SMOC2: variants seen among roughly 807,000 people sequenced by gnomAD.
SMOC2 encodes the protein SPARC related modular calcium binding 2.
Under a neutral mutation model 61.4 loss-of-function variants are expected in SMOC2, and 39 were observed. The observed-to-expected ratio is 0.64, with a 90% CI of 0.49 to 0.83. The LOEUF (loss-of-function observed/expected upper bound fraction) is 0.83. Among genes scored for constraint, SMOC2 ranks in the 40% least tolerant of loss-of-function variants. SMOC2 has a pLI of 0.00. For missense variants in SMOC2, 556 were observed against 592.9 expected, an observed-to-expected ratio of 0.94 and a Z score of 0.65; for synonymous variants, 247 against 239.9, an observed-to-expected ratio of 1.03 and a Z score of -0.27.
intron 1 of SMOC2, among the ~76,000 whole-genome samples, chr6:168,442,030 C>T (rs1376030021): frequency 6.6e-6 from 1 of 152,240 alleles, no homozygotes; most frequent in Non-Finnish European, 1.5e-5. Flanking sequence ...AAGGGGCTGC[C>T]AGTCGTGGGC....
At chr6:168,582,241 T>A (rs115613424) in intron 7 of SMOC2, among the ~76,000 whole-genome samples, 46,722 of 151,890 alleles carry the variant, frequency 0.31, 7,296 homozygotes, top group African/African-American at 0.35. Flanking sequence ...GTTGAAGGGA[T>A]GTCATGGATT....
chr6:168,643,217 G>A (rs1583182323), intron 9 of SMOC2, among the ~76,000 whole-genome samples: 1 of 152,176 alleles, frequency 6.6e-6, no homozygotes, highest in Non-Finnish European at 1.5e-5. Flanking sequence ...ACAGCTGGCT[G>A]GGACCCACAG....
intron 1 of SMOC2, among the ~76,000 whole-genome samples, chr6:168,467,031 C>T (rs1218491497): frequency 6.6e-6 from 1 of 152,140 alleles, no homozygotes; most frequent in Non-Finnish European, 1.5e-5. Context: ...CCACAAGCAG[C>T]GCCGTGCTGG....
At chr6:168,610,343 T>A (rs1785825090) in intron 9 of SMOC2, among the ~76,000 whole-genome samples, 1 of 152,198 alleles carries the variant, frequency 6.6e-6, no homozygotes, top group African/African-American at 2.4e-5. Context: ...TTGCCATAGA[T>A]GTTTGGGAGT....
intron 7 of SMOC2, among the ~76,000 whole-genome samples, chr6:168,592,339 C>T (rs879780060): frequency 0.094 from 9,224 of 97,834 alleles, 627 homozygotes; most frequent in Admixed American, 0.12. Flanking sequence ...TAGAGGATCT[C>T]CGAGCTCCTC....
At chr6:168,501,562 G>C (rs906816668) in intron 1 of SMOC2, among the ~76,000 whole-genome samples, 18 of 152,086 alleles carry the variant, frequency 1.2e-4, no homozygotes, top group African/African-American at 4.3e-4. Context: ...AATGTGAGGT[G>C]GGGGGAAGAT....
rs995356527 is a variant in SMOC2, at chr6:168,621,852, G to A, written c.907+13613G>A. Among the ~76,000 whole-genome samples, 7 of 152,146 alleles carry A rather than the reference G, an allele frequency of 4.6e-5. No individual in the cohort carries two copies. In the East Asian group the frequency reaches 5.8e-4, roughly 13 times the overall value. On this transcript the variant is annotated intron_variant, in intron 9 of 12. Transcript: ENST00000356284. The stretch of plus-strand genomic sequence containing the variant: ...TTACAATTCAAGGTGAGATCTGGGC[G>A]GGGACACAGAGCCAAACCATATCAC...
At chr6:168,579,628 G>A (rs935234093) in intron 7 of SMOC2, among the ~76,000 whole-genome samples, 2 of 152,186 alleles carry the variant, frequency 1.3e-5, no homozygotes, top group African/African-American at 2.4e-5. Context: ...TGGTGAGGGT[G>A]TTATCATTAC....
intron 9 of SMOC2, among the ~76,000 whole-genome samples, chr6:168,623,129 A>G (rs1198688584): frequency 6.6e-6 from 1 of 152,098 alleles, no homozygotes; most frequent in African/African-American, 2.4e-5. Context: ...TTCGTGCTCT[A>G]TTGTCCAGGG....
At chr6:168,625,714 A>C (rs568236245) in intron 9 of SMOC2, among the ~76,000 whole-genome samples, 1 of 152,262 alleles carries the variant, frequency 6.6e-6, no homozygotes, top group Admixed American at 6.5e-5. Context: ...TGTCCGTGTG[A>C]GCCCTGGGCC....
At chr6:168,657,946 C>T (rs746734531) in intron 11 of SMOC2, among the ~76,000 whole-genome samples, 2 of 152,212 alleles carry the variant, frequency 1.3e-5, no homozygotes, top group African/African-American at 4.8e-5. Context: ...ACTTTGGGCT[C>T]ACCTTCAGAC....
chr6:168,515,442 G>C (rs1783106533), intron 2 of SMOC2, among the ~76,000 whole-genome samples: 1 of 77,720 alleles, frequency 1.3e-5, no homozygotes, highest in Admixed American at 1.8e-4. Flanking sequence ...GGCTCGGAGA[G>C]GCTCCGTCCG....
At chr6:168,463,385 T>C (rs1781756940) in intron 1 of SMOC2, among the ~76,000 whole-genome samples, 1 of 152,214 alleles carries the variant, frequency 6.6e-6, no homozygotes, top group Non-Finnish European at 1.5e-5. Context: ...GCGTATGTGC[T>C]GAAATACACG....
chr6:168,523,624 C>T (rs560515046), intron 2 of SMOC2, among the ~76,000 whole-genome samples: 2 of 151,812 alleles, frequency 1.3e-5, no homozygotes, highest in South Asian at 4.2e-4. Flanking sequence ...TGGTCTTCAT[C>T]TCCTGACCTC....
chr6:168,650,704 G>A lies in SMOC2; in HGVS notation c.931G>A (p.Glu311Lys). The A allele has an allele frequency of 6.2e-7, 1 of 1,613,828 alleles. No homozygotes were observed. The highest frequency in any genetic ancestry group is 1.1e-5 in the South Asian group (1 of 91,052). ...LQGCPGAKKH[E>K]FLTSVLDALS... is the part of the protein sequence containing the mutation. Reference sequence around the variant, plus strand: ...AGGTTGTCCGGGTGCCAAAAAGCATGAGTTTCTGACCAGCGTTCTGGACGC... The same window carrying A: ...AGGTTGTCCGGGTGCCAAAAAGCATAAGTTTCTGACCAGCGTTCTGGACGC... The change falls in exon 10 of 13, where the codon GAG (glutamate) becomes AAG (lysine). Residue 311 changes from glutamate (E) to lysine (K), a missense_variant. Glu to Lys is a moderately conservative substitution (Grantham distance 56). Transcript: ENST00000356284.
Position 168,441,977 on chromosome 6 carries a change from T to A in SMOC2, c.84+523T>A, listed in dbSNP as rs1248684467. 7.2e-5 allele frequency among the ~76,000 whole-genome samples: 11 copies of A among 152,302 alleles called. No individual in the cohort carries two copies. In the South Asian group the frequency reaches 1.4e-3, roughly 20 times the overall value. ...CCTGGAGCGTGTTCTCCCGACCGCT[T>A]TGGGCTCGTGCGCCGCGCGGATCCC... On this transcript the variant is annotated intron_variant, in intron 1 of 12. Transcript: ENST00000356284.
chr6:168,627,086 G>A (rs182785494), intron 9 of SMOC2, among the ~76,000 whole-genome samples: 13 of 152,270 alleles, frequency 8.5e-5, no homozygotes, highest in African/African-American at 2.9e-4. Flanking sequence ...TAAAAATCTA[G>A]CCCAAGAAAA....
chr6:168,577,886 C>G (rs1361654804), intron 7 of SMOC2, among the ~76,000 whole-genome samples: 1 of 152,198 alleles, frequency 6.6e-6, no homozygotes, highest in Non-Finnish European at 1.5e-5. Flanking sequence ...CTGCCTTGAT[C>G]ACAACTGATC....
intron 7 of SMOC2, among the ~76,000 whole-genome samples, chr6:168,589,487 G>A (rs1421892248): frequency 6.6e-6 from 1 of 152,250 alleles, no homozygotes; most frequent in East Asian, 1.9e-4. Flanking sequence ...GGCCAGGGGA[G>A]GCCTCCAGGC....
Sources: allele counts gnomAD v4.1 joint callset (sites outside exome capture counted in the v4.1 genomes callset), GRCh38; gene constraint gnomAD v4.1.1; transcripts MANE v1.5; gene names NCBI Gene and HGNC (gene_info 2026-07-23, HGNC 2026-07-21).